Variants in SYNE1 observed in about 807,000 individuals in gnomAD.
The protein encoded by SYNE1 is nesprin-1.
A neutral mutation model predicts 1,111.0 loss-of-function variants in SYNE1; 616 were observed. That is an observed-to-expected ratio of 0.55 (90% confidence interval 0.52 to 0.59). SYNE1 has a LOEUF of 0.59. Among genes scored for constraint, SYNE1 ranks in the 20% least tolerant of loss-of-function variants. The probability of loss-of-function intolerance (pLI) is 0.00; values close to 1 mark genes in which losing one functional copy is unlikely to be tolerated. For synonymous variants in SYNE1, 3,855 were observed against 3,825.8 expected (o/e 1.01, Z -0.28); for missense variants, 10,006 against 10,417.0 (o/e 0.96, Z 1.72).
chr6:152,509,801 T>C (rs1361678299), intron 8 of SYNE1, among the ~76,000 whole-genome samples: 2 of 152,190 alleles, frequency 1.3e-5, no homozygotes, highest in African/African-American at 4.8e-5. Context: ...TTCACACAGT[T>C]CTTAAATAGA....
intron 130 of SYNE1, chr6:152,168,008 A>G (rs1156307958): frequency 1.3e-6 from 1 of 779,550 alleles, no homozygotes; most frequent in African/African-American, 1.7e-5. Flanking sequence ...TCTTCATGTA[A>G]CATTGGCAAA....
rs769061647 is a variant in SYNE1, at chr6:152,458,805, A to T, written c.2520T>A (p.Val840=). ...SLGKINEIIT[V]LEREAQSSAL... The stretch of plus-strand genomic sequence containing the variant: ...CACTCGATTGTGCCTCACGCTCAAG[A>T]ACTGTGATAATTTCATTGATTTTCC... The change falls in exon 22 of 146, where the codon GTT becomes GTA. Residue 840 remains valine, a synonymous_variant. Coordinates refer to ENST00000367255, the MANE Select transcript of SYNE1 (RefSeq NM_182961.4). 1 of 1,614,100 alleles carries T rather than the reference A, an allele frequency of 6.2e-7. No homozygotes were observed. Among genetic ancestry groups the T allele is most frequent in the Non-Finnish European group, 8.5e-7 (1 of 1,179,998 alleles).
chr6:152,379,168 G>A (rs895814353), intron 56 of SYNE1, among the ~76,000 whole-genome samples: 8 of 152,120 alleles, frequency 5.3e-5, no homozygotes, highest in African/African-American at 1.2e-4. Context: ...TGACCAAAAC[G>A]TTACATTTAA....
chr6:152,317,083 G>A (rs2153894059), intron 86 of SYNE1, 97 bp from the exon 87 acceptor site: 1 of 1,401,392 alleles, frequency 7.1e-7, no homozygotes, highest in Admixed American at 1.8e-5. Context: ...CAGTCTTAGG[G>A]GTTGATCATT....
intron 98 of SYNE1, among the ~76,000 whole-genome samples, chr6:152,270,297 G>A (rs9397496): frequency 0.12 from 18,388 of 152,110 alleles, 1,659 homozygotes; most frequent in East Asian, 0.45. Flanking sequence ...CTGTGGGCAC[G>A]TGTGGTTACC....
chr6:152,166,770 T>G (rs2063745705), intron 130 of SYNE1, among the ~76,000 whole-genome samples: 1 of 152,194 alleles, frequency 6.6e-6, no homozygotes. Context: ...AAAAATTGTG[T>G]TTTTACTACA....
intron 67 of SYNE1, among the ~76,000 whole-genome samples, chr6:152,354,179 T>G (rs2096794373): frequency 6.6e-6 from 1 of 152,144 alleles, no homozygotes; most frequent in Non-Finnish European, 1.5e-5. Flanking sequence ...GAAAACAAAG[T>G]GGCATAATTT....
intron 95 of SYNE1, among the ~76,000 whole-genome samples, chr6:152,285,989 T>C (rs949953680): frequency 3.9e-5 from 6 of 152,200 alleles, no homozygotes; most frequent in Non-Finnish European, 5.9e-5. Flanking sequence ...CATTTCATAG[T>C]TTCCAATGTG....
chr6:152,401,422 CTTAA>C (rs1295402013), intron 46 of SYNE1, 81 bp from the exon 47 acceptor site: 3 of 1,394,494 alleles, frequency 2.2e-6, no homozygotes, highest in African/African-American at 2.8e-5. Flanking sequence ...TCACGTGCAG[CTTAA>C]TTGTCAAAGC....
intron 125 of SYNE1, among the ~76,000 whole-genome samples, chr6:152,207,675 T>A (rs573856432): frequency 1.3e-5 from 2 of 152,222 alleles, no homozygotes; most frequent in African/African-American, 4.8e-5. Context: ...GCAAGCAACA[T>A]GAAGTTTTTC....
chr6:152,444,359 C>T, intron 30 of SYNE1, 52 bp downstream of exon 30: 1 of 1,590,246 alleles, frequency 6.3e-7, no homozygotes, highest in Non-Finnish European at 8.6e-7. Context: ...CTGGTTCTTT[C>T]AGTAGCAAAT....
chr6:152,565,349 A>C (rs772760068), intron 3 of SYNE1, among the ~76,000 whole-genome samples: 1 of 152,202 alleles, frequency 6.6e-6, no homozygotes, highest in Non-Finnish European at 1.5e-5. Context: ...AATCCTTAAA[A>C]GCTGGGCCCA....
chr6:152,212,146 C>T (rs138607591), intron 123 of SYNE1, among the ~76,000 whole-genome samples: 84 of 152,200 alleles, frequency 5.5e-4, no homozygotes, highest in African/African-American at 1.8e-3. Flanking sequence ...ACATACCATA[C>T]AATTCACTCA....
intron 130 of SYNE1, among the ~76,000 whole-genome samples, chr6:152,174,370 C>T (rs937301856): frequency 1.8e-4 from 28 of 152,086 alleles, no homozygotes; most frequent in African/African-American, 4.1e-4. Context: ...GTTGAAACTC[C>T]GAGACCAGTT....
intron 3 of SYNE1, among the ~76,000 whole-genome samples, chr6:152,572,695 A>G (rs2099469410): frequency 6.6e-6 from 1 of 152,180 alleles, no homozygotes; most frequent in Non-Finnish European, 1.5e-5. Flanking sequence ...CACTTTCGCT[A>G]GGGATGAAGA....
chr6:152,528,429 C>A (rs983586740), intron 4 of SYNE1, among the ~76,000 whole-genome samples: 1 of 152,100 alleles, frequency 6.6e-6, no homozygotes, highest in South Asian at 2.1e-4. Flanking sequence ...ATAAGGTATT[C>A]TTTATATATA....
In SYNE1 at chr6:152,376,548, GCAAA is replaced by G; in HGVS notation, c.9153_9156del (p.Leu3052LysfsTer45). On this transcript the variant is annotated frameshift_variant, in exon 58 of 146. Coordinates refer to ENST00000367255, the MANE Select transcript of SYNE1 (RefSeq NM_182961.4). LOFTEE classifies it high-confidence loss of function. ...TTATTCTGGCAGCCCTTGGATGCTT[GCAAA>G]CAAAGACTGAAAAGGTGACGCAAAA... 6.2e-7 allele frequency: 1 copy of G among 1,613,900 alleles called. No homozygotes were observed. Among genetic ancestry groups the G allele is most frequent in the Non-Finnish European group, 8.5e-7 (1 of 1,180,020 alleles).
At chr6:152,609,765 G>A (rs990302959) in intron 3 of SYNE1, among the ~76,000 whole-genome samples, 1 of 152,294 alleles carries the variant, frequency 6.6e-6, no homozygotes, top group South Asian at 2.1e-4. Context: ...TGGGGATGAA[G>A]TTTCCAGGGG....
intron 104 of SYNE1, among the ~76,000 whole-genome samples, chr6:152,249,974 TA>T (rs2088628605): frequency 6.6e-6 from 1 of 152,082 alleles, no homozygotes; most frequent in South Asian, 2.1e-4. Context: ...ATTTAAATTA[TA>T]AAAAATTTTG....
Sources: gnomAD v4.1 joint callset for allele counts (sites outside exome capture counted in the v4.1 genomes callset) on GRCh38, gnomAD v4.1.1 for gene constraint, MANE v1.5 for transcripts, NCBI Gene and HGNC (gene_info 2026-07-23, HGNC 2026-07-21) for gene names.